NDRG3: variants seen among roughly 807,000 people sequenced by gnomAD.
NDRG3 encodes protein NDRG3.
NDRG3 carries 23 observed loss-of-function variants against 57.2 expected under a neutral mutation model. That is an observed-to-expected ratio of 0.40 (90% CI 0.29 to 0.57). The LOEUF (loss-of-function observed/expected upper bound fraction) is 0.57. NDRG3 is among the 20% of genes least tolerant of loss of function. The pLI is 0.42. For synonymous variants in NDRG3, 132 were observed against 162.6 expected (o/e 0.81, Z 1.43); for missense variants, 384 against 457.3 (o/e 0.84, Z 1.46).
chr20:36,732,020 C>T (rs1985317773), intron 1 of NDRG3, among the ~76,000 whole-genome samples: 1 of 151,828 alleles, frequency 6.6e-6, no homozygotes, highest in African/African-American at 2.4e-5. Flanking sequence ...ACTCAGGAGG[C>T]TGAGGTGGGA....
intron 9 of NDRG3, among the ~76,000 whole-genome samples, chr20:36,668,144 AAGG>A (rs1307745831): frequency 6.6e-6 from 1 of 152,200 alleles, no homozygotes; most frequent in African/African-American, 2.4e-5. Flanking sequence ...CAGGAGGCTG[AAGG>A]AGGAGGATGG....
chr20:36,653,447 TG>T lies in NDRG3; in HGVS notation c.*72del. ...TTAAAGATAGTAGAGGCCAGTTTAC[TG>T]GATGAAATGTTATATTATGGAGTGG... is the stretch of plus-strand genomic sequence containing the variant. On this transcript the variant is annotated 3_prime_UTR_variant, in exon 16 of 16. Transcript: ENST00000349004. This position sits in a 1 kb window ranked among gnomAD's most constrained non-coding sequence, Gnocchi z 4.2. 7.2e-7 allele frequency: 1 copy of T among 1,380,714 alleles called. No homozygotes were observed. The highest frequency in any genetic ancestry group is 1.0e-6 in the Non-Finnish European group (1 of 1,000,216). The allele number at this position is 1,380,714 out of a possible 1,614,324, so 85.5% of individuals were successfully genotyped here. A position where few individuals can be genotyped will look rare whatever the true frequency, so the allele number is the denominator to read the frequency against.
At chr20:36,698,203 G>A (rs1278030740) in intron 3 of NDRG3, among the ~76,000 whole-genome samples, 1 of 151,964 alleles carries the variant, frequency 6.6e-6, no homozygotes, top group Admixed American at 6.6e-5. Context: ...CTGAACTCAG[G>A]TGACCTGGCT....
intron 3 of NDRG3, among the ~76,000 whole-genome samples, chr20:36,705,683 G>T (rs976925496): frequency 2.0e-5 from 3 of 152,086 alleles, no homozygotes; most frequent in African/African-American, 7.2e-5. Flanking sequence ...GGGTCAGGCT[G>T]CCCAGCTTAT....
At chr20:36,732,310 T>A (rs1985334693) in intron 1 of NDRG3, among the ~76,000 whole-genome samples, 1 of 152,144 alleles carries the variant, frequency 6.6e-6, no homozygotes, top group African/African-American at 2.4e-5. Context: ...GAGGCTTTGG[T>A]TGAAGTGGTG....
intron 7 of NDRG3, among the ~76,000 whole-genome samples, chr20:36,681,420 G>A (rs976143012): frequency 1.3e-5 from 2 of 151,816 alleles, no homozygotes; most frequent in Non-Finnish European, 2.9e-5. Context: ...GGTGGATCAC[G>A]AGGTCAGGAG....
chr20:36,701,988 C>CA (rs895063346), intron 3 of NDRG3, among the ~76,000 whole-genome samples: 36 of 152,066 alleles, frequency 2.4e-4, no homozygotes, highest in Admixed American at 1.3e-4. Flanking sequence ...ACTGGAATGA[C>CA]ACGATCTGAC....
intron 1 of NDRG3, among the ~76,000 whole-genome samples, chr20:36,725,832 C>G (rs1441527679): frequency 6.6e-6 from 1 of 151,408 alleles, no homozygotes; most frequent in Non-Finnish European, 1.5e-5. Flanking sequence ...GGGAATTATT[C>G]AAATATGACT....
Position 36,684,382 on chromosome 20 carries a change from AACTGCATGAAAG to A in NDRG3, c.383+19_383+30del. ...TAATTCACCATAGAAAGTCAATAAA[AACTGCATGAAAG>A]ACTGCAGAATGAACCTACCTTAGGT... is the stretch of plus-strand genomic sequence containing the variant. On this transcript the variant is annotated intron_variant, in intron 6 of 15. Coordinates refer to ENST00000349004, the MANE Select transcript of NDRG3 (RefSeq NM_032013.4). 6.3e-7 allele frequency: 1 copy of A among 1,580,510 alleles called. No individual in the cohort carries two copies.
intron 12 of NDRG3, among the ~76,000 whole-genome samples, chr20:36,661,865 G>A (rs1979229626): frequency 6.6e-6 from 1 of 152,178 alleles, no homozygotes; most frequent in South Asian, 2.1e-4. Flanking sequence ...GGGGATTGCG[G>A]GTAGGCAGGT....
intron 3 of NDRG3, among the ~76,000 whole-genome samples, chr20:36,703,598 C>T (rs1463986508): frequency 2.6e-5 from 4 of 151,952 alleles, no homozygotes; most frequent in Admixed American, 6.6e-5. Context: ...CGCATGCCAT[C>T]GTGCCCAGCT....
At chr20:36,680,792 T>C in intron 8 of NDRG3, 24 bp downstream of exon 8, 1 of 1,602,808 alleles carries the variant, frequency 6.2e-7, no homozygotes, top group Middle Eastern at 1.7e-4. Context: ...GATAAGCCGA[T>C]GGACACCTTC....
intron 1 of NDRG3, among the ~76,000 whole-genome samples, chr20:36,724,811 C>G (rs1377338369): frequency 3.3e-5 from 5 of 151,874 alleles, no homozygotes; most frequent in African/African-American, 1.2e-4. Context: ...GCCTGTAATT[C>G]CAGCTACTCC....
intron 3 of NDRG3, among the ~76,000 whole-genome samples, chr20:36,693,127 T>A (rs1568647076): frequency 3.0e-5 from 2 of 65,604 alleles, no homozygotes; most frequent in African/African-American, 6.2e-5. Flanking sequence ...TATATATATA[T>A]ATATATATAT....
intron 1 of NDRG3, among the ~76,000 whole-genome samples, chr20:36,739,927 A>C (rs1041385458): frequency 3.3e-5 from 5 of 151,196 alleles, no homozygotes; most frequent in Non-Finnish European, 5.9e-5. Flanking sequence ...AAAAAAAAAA[A>C]AAAAACCGTA....
chr20:36,714,636 C>T lies in NDRG3; in HGVS notation c.57+7043G>A, dbSNP rs545844650. Among the ~76,000 whole-genome samples, 202 of 147,862 alleles carry T rather than the reference C, an allele frequency of 1.4e-3. 1 individual carries two copies. Among genetic ancestry groups the T allele is most frequent in the Middle Eastern group, 7.0e-3 (2 of 284 alleles). On this transcript the variant is annotated intron_variant, in intron 2 of 15. Transcript: ENST00000349004. The stretch of plus-strand genomic sequence containing the variant: ...TTTTTGTTTGTTTGTTTTTTTGAGA[C>T]GGAGTCTTGCTCTGTCGCCCAGGCT...
At chr20:36,658,683 C>T (rs1978891183) in intron 13 of NDRG3, among the ~76,000 whole-genome samples, 1 of 152,128 alleles carries the variant, frequency 6.6e-6, no homozygotes, top group Admixed American at 6.6e-5. Flanking sequence ...TCAGCTACCT[C>T]AACACTTTAG....
intron 15 of NDRG3, chr20:36,654,697 C>G: frequency 1.3e-6 from 1 of 749,062 alleles, no homozygotes; most frequent in South Asian, 1.4e-5. Flanking sequence ...GAGCCACGTT[C>G]TATCGGGCTC....
At chr20:36,670,391 G>GC (rs1265519896) in intron 9 of NDRG3, among the ~76,000 whole-genome samples, 2 of 152,128 alleles carry the variant, frequency 1.3e-5, no homozygotes, top group Non-Finnish European at 2.9e-5. Context: ...TTTGTAATAA[G>GC]CCCTATAGAA....
Sources: gnomAD v4.1 joint callset for allele counts (sites outside exome capture counted in the v4.1 genomes callset) on GRCh38, gnomAD v4.1.1 for gene constraint, Gnocchi (gnomAD v3.1) non-coding constraint, MANE v1.5 for transcripts, NCBI Gene and HGNC (gene_info 2026-07-23, HGNC 2026-07-21) for gene names.